Variants in DPF3 observed in about 807,000 individuals in gnomAD.
DPF3 encodes zinc finger protein DPF3.
A neutral mutation model predicts 56.8 loss-of-function variants in DPF3; 18 were observed. That is an observed-to-expected ratio of 0.32 (90% CI 0.22 to 0.47). The LOEUF is 0.47. Among genes scored for constraint, DPF3 ranks in the 20% least tolerant of loss-of-function variants. The probability of loss-of-function intolerance (pLI) is 1.00; values close to 1 mark genes in which losing one functional copy is unlikely to be tolerated. For missense variants in DPF3, 403 were observed against 488.8 expected (o/e 0.82, Z 1.65); for synonymous variants, 188 against 180.2 (o/e 1.04, Z -0.35).
At chr14:72,745,135 G>A (rs747992324) in intron 3 of DPF3, among the ~76,000 whole-genome samples, 56 of 152,110 alleles carry the variant, frequency 3.7e-4, no homozygotes, top group Admixed American at 1.4e-3. Context: ...GGTTGGTTGG[G>A]TTCTTTCCAA....
At chr14:72,661,488 C>T in intron 8 of DPF3, 1 of 985,604 alleles carries the variant, frequency 1.0e-6, no homozygotes, top group Non-Finnish European at 1.2e-6. Flanking sequence ...AACCCAAGAG[C>T]ATGGCTGTGT....
intron 2 of DPF3, among the ~76,000 whole-genome samples, chr14:72,763,111 TAATA>T (rs1472468509): frequency 1.3e-5 from 2 of 151,978 alleles, no homozygotes; most frequent in Non-Finnish European, 2.9e-5. Flanking sequence ...AAGAAGATAT[TAATA>T]AATTGAAAGA....
chr14:72,857,160 T>C (rs1171772210), intron 1 of DPF3, among the ~76,000 whole-genome samples: 3 of 152,130 alleles, frequency 2.0e-5, no homozygotes, highest in Admixed American at 6.5e-5. Context: ...AATAACTATT[T>C]GCTAAGCTCT....
intron 5 of DPF3, among the ~76,000 whole-genome samples, chr14:72,717,800 A>G (rs534994972): frequency 1.3e-5 from 2 of 152,298 alleles, no homozygotes; most frequent in Non-Finnish European, 2.9e-5. Context: ...AGGCTCTGTT[A>G]TAGAAAGCTT....
intron 6 of DPF3, among the ~76,000 whole-genome samples, chr14:72,700,370 C>T (rs1026574981): frequency 4.6e-5 from 7 of 152,144 alleles, no homozygotes; most frequent in African/African-American, 9.7e-5. Flanking sequence ...CAAGGGCCCC[C>T]GCATTTTCAT....
chr14:72,717,380 G>C (rs935746228), intron 5 of DPF3, among the ~76,000 whole-genome samples: 58 of 152,198 alleles, frequency 3.8e-4, no homozygotes, highest in African/African-American at 1.3e-3. Context: ...TTTGAGCTGA[G>C]AGTGTGTGAA....
rs374666456 is a variant in DPF3 at position 72,788,318 on chromosome 14, G to C, written c.33-16425C>G. Among the ~76,000 whole-genome samples, 3 of 152,242 alleles carry C rather than the reference G, an allele frequency of 2.0e-5. No individual in the cohort carries two copies. In the East Asian group the frequency reaches 5.8e-4, roughly 29 times the overall value. On this transcript the variant is annotated intron_variant, in intron 1 of 10. Coordinates refer to ENST00000556509, the MANE Select transcript of DPF3 (RefSeq NM_001280542.3). ...AGAGCAGGAGGTGAGCACTGAGAAA[G>C]ATCCAGAAGAACTCATGCAAGCAGA... is the stretch of plus-strand genomic sequence containing the variant.
chr14:72,705,738 C>G (rs1310368495), intron 6 of DPF3, among the ~76,000 whole-genome samples: 1 of 152,230 alleles, frequency 6.6e-6, no homozygotes, highest in Non-Finnish European at 1.5e-5. Context: ...CACCACTGTG[C>G]TGGGGCTGGG....
chr14:72,664,665 G>T (rs1256578120), intron 8 of DPF3, among the ~76,000 whole-genome samples: 1 of 150,882 alleles, frequency 6.6e-6, no homozygotes, highest in Non-Finnish European at 1.5e-5. Flanking sequence ...TGGATGCTGT[G>T]TCCAGAGACT....
chr14:72,735,008 T>C (rs888235511), intron 3 of DPF3, among the ~76,000 whole-genome samples: 2 of 152,162 alleles, frequency 1.3e-5, no homozygotes, highest in Non-Finnish European at 1.5e-5. Context: ...GTGCAGCTTA[T>C]AGAGGTTGAG....
At chr14:72,654,571 A>G (rs1347656738) in intron 8 of DPF3, among the ~76,000 whole-genome samples, 1 of 152,204 alleles carries the variant, frequency 6.6e-6, no homozygotes, top group Non-Finnish European at 1.5e-5. Flanking sequence ...AGACTTTACC[A>G]GCAATCACCA....
At position 72,771,725 on chromosome 14, in the gene DPF3, C is replaced by T; in HGVS notation, c.193+8G>A. On this transcript the variant is annotated splice_region_variant and intron_variant, in intron 2 of 10. Coordinates refer to ENST00000556509, the MANE Select transcript of DPF3 (RefSeq NM_001280542.3). ...ACATGCGCATGTCCCAGGAGTGGCG[C>T]AGCTCACCTGGGCCTCGGTGCCTCT... 6.2e-7 allele frequency: 1 copy of T among 1,609,112 alleles called. No homozygotes were observed. Among genetic ancestry groups the T allele is most frequent in the Admixed American group, 1.7e-5 (1 of 59,742 alleles).
At chr14:72,891,175 G>T (rs560855236) in intron 1 of DPF3, among the ~76,000 whole-genome samples, 2 of 152,176 alleles carry the variant, frequency 1.3e-5, no homozygotes, top group African/African-American at 4.8e-5. Flanking sequence ...CATACTCAGC[G>T]TAGGCAGAGC....
intron 8 of DPF3, among the ~76,000 whole-genome samples, chr14:72,650,855 A>T (rs1885888381): frequency 6.6e-6 from 1 of 152,188 alleles, no homozygotes; most frequent in Non-Finnish European, 1.5e-5. Flanking sequence ...TCTCCTCCAC[A>T]GACACCCGGG....
intron 1 of DPF3, among the ~76,000 whole-genome samples, chr14:72,866,974 T>A (rs1885700285): frequency 6.7e-6 from 1 of 149,816 alleles, no homozygotes; most frequent in Non-Finnish European, 1.5e-5. Context: ...GACCACGAAA[T>A]CTCCAGGCTA....
intron 8 of DPF3, among the ~76,000 whole-genome samples, chr14:72,660,784 G>A (rs764904554): frequency 6.6e-6 from 1 of 152,200 alleles, no homozygotes; most frequent in Non-Finnish European, 1.5e-5. Context: ...TGATGGGGGA[G>A]TGGGTGACAG....
chr14:72,710,046 C>T (rs1231702765), intron 6 of DPF3, among the ~76,000 whole-genome samples: 8 of 152,230 alleles, frequency 5.3e-5, no homozygotes, highest in African/African-American at 1.7e-4. Flanking sequence ...AACGTCATCA[C>T]CAACTTCTTT....
Position 72,737,606 on chromosome 14 carries a change from A to G in DPF3, c.302-5672T>C, listed in dbSNP as rs1889945321. Among the ~76,000 whole-genome samples the G allele has an allele frequency of 1.3e-5, 2 of 152,226 alleles. 1 individual carries two copies. The highest frequency in any genetic ancestry group is 4.1e-4 in the South Asian group (2 of 4,836). ...TGGATTATAATAAAATATGCCATAT[A>G]GAAAACAGATTAAGACAGTTCTTCT... On this transcript the variant is annotated intron_variant, in intron 3 of 10. Transcript: ENST00000556509.
rs562181718 is a variant in DPF3 at position 72,893,038 on chromosome 14, G to A, written c.32+1019C>T. Among the ~76,000 whole-genome samples, 15 of 151,838 alleles carry A rather than the reference G, an allele frequency of 9.9e-5. No individual in the cohort carries two copies. In the East Asian group the frequency reaches 2.9e-3, roughly 30 times the overall value. ...AAGGAAGGAAGGATGAAAAGGAGGA[G>A]GAAGGCAGGCAGGCAGAAATTGGCT... On this transcript the variant is annotated intron_variant, in intron 1 of 10. Transcript: ENST00000556509.
Sources: allele counts gnomAD v4.1 joint callset (sites outside exome capture counted in the v4.1 genomes callset), GRCh38; gene constraint gnomAD v4.1.1; transcripts MANE v1.5; gene names NCBI Gene and HGNC (gene_info 2026-07-23, HGNC 2026-07-21).